The following LYPD6 variants were observed in gnomAD, a reference collection of about 807,000 sequenced individuals.
LYPD6 encodes LY6/PLAUR domain containing 6.
Under a neutral mutation model 22.7 loss-of-function variants are expected in LYPD6, and 15 were observed. The observed-to-expected ratio is 0.66, with a 90% CI of 0.44 to 1.02. The LOEUF (loss-of-function observed/expected upper bound fraction) is 1.02, where lower values mean the gene tolerates loss of function less well. LYPD6 is among the 50% of genes least tolerant of loss of function. The pLI is 0.00. For synonymous variants in LYPD6, 72 were observed against 77.5 expected (o/e 0.93, Z 0.37); for missense variants, 189 against 208.4 (o/e 0.91, Z 0.57).
rs796513696 is a variant in LYPD6 at position 149,474,041 on chromosome 2, CA to C, written c.*3193del. On this transcript the variant is annotated 3_prime_UTR_variant, in exon 5 of 5. Coordinates refer to ENST00000334166, the MANE Select transcript of LYPD6 (RefSeq NM_194317.5). ...AAAGATTTTCTCTTGATGGTTTCTT[CA>C]ACAGGAAACAGATATTGGAATAGTG... The C allele has an allele frequency of 2.6e-4, 40 of 152,186 alleles. No individual in the cohort carries two copies. Among genetic ancestry groups the C allele is most frequent in the African/African-American group, 9.4e-4 (39 of 41,504 alleles). 9.4% of individuals were successfully genotyped at this position (152,186 alleles called of 1,614,324 possible).
intron 1 of LYPD6, among the ~76,000 whole-genome samples, chr2:149,348,140 C>A (rs1681293630): frequency 6.7e-6 from 1 of 150,204 alleles, no homozygotes; most frequent in Non-Finnish European, 1.5e-5. Context: ...CCCTGTCTCT[C>A]TCTTTAAATA....
At chr2:149,448,174 T>A (rs547269515) in intron 2 of LYPD6, among the ~76,000 whole-genome samples, 3 of 152,252 alleles carry the variant, frequency 2.0e-5, no homozygotes, top group African/African-American at 7.2e-5. Context: ...ATGCCTGTAA[T>A]CCCAGCTACT....
intron 1 of LYPD6, among the ~76,000 whole-genome samples, chr2:149,432,600 A>G (rs1157966888): frequency 6.6e-6 from 1 of 152,216 alleles, no homozygotes; most frequent in Non-Finnish European, 1.5e-5. Context: ...GGGCTACACC[A>G]AGGTGCAGGC....
intron 2 of LYPD6, among the ~76,000 whole-genome samples, chr2:149,445,553 A>G (rs184215714): frequency 2.0e-5 from 3 of 152,342 alleles, no homozygotes; most frequent in African/African-American, 7.2e-5. Flanking sequence ...CAACTTCTTC[A>G]TTAGCACTTT....
intron 2 of LYPD6, among the ~76,000 whole-genome samples, chr2:149,439,036 G>A (rs900847816): frequency 1.1e-4 from 16 of 152,230 alleles, no homozygotes; most frequent in African/African-American, 2.2e-4. Context: ...ATACATACTC[G>A]TTAGCATTAT....
At chr2:149,408,170 C>T (rs1454093694) in intron 1 of LYPD6, among the ~76,000 whole-genome samples, 1 of 152,164 alleles carries the variant, frequency 6.6e-6, no homozygotes, top group Non-Finnish European at 1.5e-5. Flanking sequence ...AGTTAGGCTG[C>T]TCGGGGGTCA....
chr2:149,450,807 A>G (rs753337755), intron 3 of LYPD6, among the ~76,000 whole-genome samples: 15 of 152,222 alleles, frequency 9.9e-5, no homozygotes, highest in Admixed American at 9.8e-4. Flanking sequence ...AGCGATTCAT[A>G]TTAAATGGTC....
intron 1 of LYPD6, among the ~76,000 whole-genome samples, chr2:149,331,928 G>GCCATT (rs1459942860): frequency 4.6e-5 from 7 of 152,180 alleles, no homozygotes; most frequent in African/African-American, 1.7e-4. Context: ...TTCCCTTAAA[G>GCCATT]CCATTACATT....
chr2:149,332,031 G>A (rs192669151), intron 1 of LYPD6, among the ~76,000 whole-genome samples: 25 of 152,274 alleles, frequency 1.6e-4, no homozygotes, highest in Admixed American at 1.4e-3. Flanking sequence ...CTGTATATGC[G>A]CTCACGTGTA....
intron 3 of LYPD6, among the ~76,000 whole-genome samples, chr2:149,453,540 T>C (rs1409184981): frequency 6.6e-6 from 1 of 152,178 alleles, no homozygotes; most frequent in African/African-American, 2.4e-5. Flanking sequence ...AGAGGACACA[T>C]ATTCTTTTGG....
chr2:149,382,929 C>A (rs1361428716), intron 1 of LYPD6, among the ~76,000 whole-genome samples: 2 of 152,058 alleles, frequency 1.3e-5, no homozygotes, highest in Non-Finnish European at 2.9e-5. Context: ...AATCTTTGAT[C>A]TCTTACAATA....
chr2:149,357,053 T>C (rs1476886330), intron 1 of LYPD6, among the ~76,000 whole-genome samples: 1 of 152,186 alleles, frequency 6.6e-6, no homozygotes, highest in Non-Finnish European at 1.5e-5. Flanking sequence ...TTTCCCCAAG[T>C]TAATGGTGCT....
At chr2:149,413,068 CT>C (rs1015502756) in intron 1 of LYPD6, among the ~76,000 whole-genome samples, 116 of 152,298 alleles carry the variant, frequency 7.6e-4, no homozygotes, top group African/African-American at 2.6e-3. Context: ...TCTCCCAGGG[CT>C]TGTGTTTTCC....
intron 3 of LYPD6, among the ~76,000 whole-genome samples, chr2:149,462,921 A>G (rs1234505510): frequency 2.0e-5 from 3 of 152,148 alleles, no homozygotes; most frequent in African/African-American, 7.2e-5. Context: ...TAAATGTGAA[A>G]TGTAAAAACA....
chr2:149,407,995 C>G (rs1682761323), intron 1 of LYPD6, among the ~76,000 whole-genome samples: 1 of 152,176 alleles, frequency 6.6e-6, no homozygotes, highest in Non-Finnish European at 1.5e-5. Flanking sequence ...TGCTAGAGGT[C>G]CACTCCAGAC....
intron 1 of LYPD6, among the ~76,000 whole-genome samples, chr2:149,357,645 C>G (rs1012564575): frequency 6.6e-6 from 1 of 152,130 alleles, no homozygotes; most frequent in African/African-American, 2.4e-5. Context: ...TCAATTTCTG[C>G]TCTTTGTTTT....
chr2:149,377,759 G>A (rs996320424), intron 1 of LYPD6, among the ~76,000 whole-genome samples: 12 of 149,534 alleles, frequency 8.0e-5, no homozygotes, highest in Admixed American at 2.0e-4. Flanking sequence ...CAGCCTGGAC[G>A]ACAGAGCGAG....
At chr2:149,478,726 G>A (rs1681480437), downstream of LYPD6, among the ~76,000 whole-genome samples, 1 of 151,956 alleles carries the variant, frequency 6.6e-6, no homozygotes. Flanking sequence ...ACTTGGCTCT[G>A]GAAATGAACA....
At chr2:149,428,425 T>A (rs1683231354) in intron 1 of LYPD6, among the ~76,000 whole-genome samples, 1 of 152,198 alleles carries the variant, frequency 6.6e-6, no homozygotes. Context: ...CTTTTTTGAC[T>A]CTCTCTCATC....
Sources: gnomAD v4.1 joint callset for allele counts (sites outside exome capture counted in the v4.1 genomes callset) on GRCh38, gnomAD v4.1.1 for gene constraint, MANE v1.5 for transcripts, NCBI Gene and HGNC (gene_info 2026-07-23, HGNC 2026-07-21) for gene names.